TTYH1: variants seen among roughly 807,000 people sequenced by gnomAD.
TTYH1 encodes the protein tweety family member 1.
Under a neutral mutation model 61.2 loss-of-function variants are expected in TTYH1, and 33 were observed. That is an observed-to-expected ratio of 0.54 (90% CI 0.41 to 0.72). The LOEUF (loss-of-function observed/expected upper bound fraction) is 0.72. Ranked by LOEUF, TTYH1 falls within the 30% of genes least tolerant of loss-of-function variation. TTYH1 has a pLI of 0.00. For missense variants in TTYH1, 538 were observed against 575.8 expected (o/e 0.93, Z 0.67); for synonymous variants, 308 against 266.4 (o/e 1.16, Z -1.52).
chr19:54,422,162 C>A lies in TTYH1; in HGVS notation c.418-28C>A, dbSNP rs765081461. The stretch of plus-strand genomic sequence containing the variant: ...GCGGGCTCCCCCCAGGATGTCCTTC[C>A]AGACCTCAGCCCCTGTCCTATCCCC... On this transcript the variant is annotated intron_variant, in intron 3 of 13. Transcript: ENST00000376530. 2.6e-6 allele frequency: 4 copies of A among 1,525,370 alleles called. No individual in the cohort carries two copies. The East Asian group carries it at 9.8e-5, about 37-fold the overall frequency. 94.5% of individuals were successfully genotyped at this position (1,525,370 alleles called of 1,614,324 possible).
intron 7 of TTYH1, among the ~76,000 whole-genome samples, chr19:54,430,237 G>A (rs2083406312): frequency 6.6e-6 from 1 of 152,198 alleles, no homozygotes. Flanking sequence ...ATGGTGCCAG[G>A]AAGAGAGAGG....
chr19:54,423,891 G>A (rs1442216641), intron 4 of TTYH1, among the ~76,000 whole-genome samples: 1 of 152,152 alleles, frequency 6.6e-6, no homozygotes, highest in African/African-American at 2.4e-5. Flanking sequence ...GACCAGGCAC[G>A]GTGGTTCACG....
chr19:54,428,196 TCTC>T (rs765432860), intron 5 of TTYH1, among the ~76,000 whole-genome samples: 2 of 149,452 alleles, frequency 1.3e-5, no homozygotes, highest in East Asian at 2.1e-4. Context: ...TTCAGGCAAT[TCTC>T]CTGCTTCAGC....
chr19:54,421,270 C>A lies in TTYH1; in HGVS notation c.306-7C>A. On this transcript the variant is annotated splice_region_variant and splice_polypyrimidine_tract_variant and intron_variant, in intron 2 of 13. Transcript: ENST00000376530. This position sits in a 1 kb window ranked among gnomAD's most constrained non-coding sequence, Gnocchi z 4.8. ...GCTGAGATTCCTCTCCCTCCTCCTC[C>A]GCTCAGCACTGGCATTGGCATCGGT... The A allele has an allele frequency of 1.3e-6, 2 of 1,599,778 alleles. No homozygotes were observed. The highest frequency in any genetic ancestry group is 1.7e-6 in the Non-Finnish European group (2 of 1,167,224).
chr19:54,436,042 T>C lies in TTYH1; in HGVS notation c.1315-49T>C. ...CTGGGGTCCCACAGTACAAAGCCAA[T>C]TCCCACTCCATTCCCTCCTCTCCCC... On this transcript the variant is annotated intron_variant, in intron 12 of 13. Coordinates refer to ENST00000376530, the MANE Select transcript of TTYH1 (RefSeq NM_020659.4). The surrounding 1 kb of genome is among the most constrained non-coding windows in gnomAD (Gnocchi z 4.3). The C allele has an allele frequency of 6.2e-7, 1 of 1,601,316 alleles. No individual in the cohort carries two copies. The highest frequency in any genetic ancestry group is 1.7e-5 in the Admixed American group (1 of 59,900).
chr19:54,423,675 T>C (rs892762028), intron 4 of TTYH1, among the ~76,000 whole-genome samples: 3 of 152,184 alleles, frequency 2.0e-5, no homozygotes, highest in African/African-American at 7.2e-5. Flanking sequence ...AGTTGGCATC[T>C]GAGTGCTGAG....
intron 1 of TTYH1, among the ~76,000 whole-genome samples, chr19:54,417,376 G>A (rs1185431792): frequency 5.3e-5 from 8 of 150,498 alleles, no homozygotes; most frequent in African/African-American, 1.7e-4. Flanking sequence ...ATATGCACAG[G>A]TACACACACA....
rs1215755331 is a variant in TTYH1, at chr19:54,434,303, T to C, written c.1126-1239T>C. The C allele has an allele frequency of 6.6e-6, 1 of 152,418 alleles. No individual in the cohort carries two copies. 9.4% of individuals were successfully genotyped at this position (152,418 alleles called of 1,614,324 possible). A position where few individuals can be genotyped will look rare whatever the true frequency, so the allele number is the denominator to read the frequency against. ...CAATCCGATCAAGTTCTTCCTCTGC[T>C]TAAAACGCTCAGTGATTCCCCTCAG... On this transcript the variant is annotated intron_variant, in intron 10 of 13. Coordinates refer to ENST00000376530, the MANE Select transcript of TTYH1 (RefSeq NM_020659.4). This position sits in a 1 kb window ranked among gnomAD's most constrained non-coding sequence, Gnocchi z 4.3.
Position 54,429,787 on chromosome 19 carries a change from G to A in TTYH1, c.808-95G>A. On this transcript the variant is annotated intron_variant, in intron 6 of 13. Coordinates refer to ENST00000376530, the MANE Select transcript of TTYH1 (RefSeq NM_020659.4). This position sits in a 1 kb window ranked among gnomAD's most constrained non-coding sequence, Gnocchi z 5.1. ...GGGGCTGGGACCTGGACCCCTGGGT[G>A]GGGAGGGGAGCTGGGGAGCCAGGCA... 9.3e-7 allele frequency: 1 copy of A among 1,080,950 alleles called. No individual in the cohort carries two copies. Among genetic ancestry groups the A allele is most frequent in the Non-Finnish European group, 1.4e-6 (1 of 714,464 alleles). 67.0% of individuals were successfully genotyped at this position (1,080,950 alleles called of 1,614,324 possible).
In TTYH1 at chr19:54,435,906, C is replaced by CG. The variant is rs756270895; in HGVS notation, c.1314+39dup. 5.9e-4 allele frequency: 950 copies of CG among 1,610,474 alleles called. 3 individuals carry two copies. Among genetic ancestry groups the CG allele is most frequent in the African/African-American group, 2.2e-3 (168 of 74,878 alleles). On this transcript the variant is annotated intron_variant, in intron 12 of 13. Transcript: ENST00000376530. ...ATGCCTGGGTCTGAGGGAGGAGGGG[C>CG]GGGGGGTCCTGAACTCCTGGGTCTG...
intron 4 of TTYH1, among the ~76,000 whole-genome samples, chr19:54,423,198 ATT>A (rs1175182125): frequency 2.3e-4 from 30 of 132,948 alleles, no homozygotes; most frequent in Admixed American, 3.8e-4. Flanking sequence ...GTTCAGCACT[ATT>A]TTTTTTTTTT....
Position 54,416,781 on chromosome 19 carries a change from G to A in TTYH1, c.126+1103G>A. The A allele has an allele frequency of 7.7e-7, 1 of 1,293,574 alleles. No homozygotes were observed. Among genetic ancestry groups the A allele is most frequent in the Non-Finnish European group, 1.0e-6 (1 of 988,638 alleles). The allele number at this position is 1,293,574 out of a possible 1,614,324, so 80.1% of individuals were successfully genotyped here. A position where few individuals can be genotyped will look rare whatever the true frequency, so the allele number is the denominator to read the frequency against. On this transcript the variant is annotated intron_variant, in intron 1 of 13. Coordinates refer to ENST00000376530, the MANE Select transcript of TTYH1 (RefSeq NM_020659.4). This position sits in a 1 kb window ranked among gnomAD's most constrained non-coding sequence, Gnocchi z 7.0. ...CACACACGGGGACCGCCGTCCCCTCGCCCACAGCCTCGCGGTTACACAACG... is the reference window on the plus strand; with the variant it reads ...CACACACGGGGACCGCCGTCCCCTCACCCACAGCCTCGCGGTTACACAACG...
intron 4 of TTYH1, 48 bp from the exon 5 acceptor site, chr19:54,426,625 T>A: frequency 6.7e-7 from 1 of 1,495,796 alleles, no homozygotes; most frequent in Non-Finnish European, 9.3e-7. Flanking sequence ...TCCGCCGGGG[T>A]GCCTGGAGGC....
chr19:54,421,427 C>G lies in TTYH1; in HGVS notation c.417+39C>G. 7.3e-7 allele frequency: 1 copy of G among 1,369,308 alleles called. No homozygotes were observed. Among genetic ancestry groups the G allele is most frequent in the Non-Finnish European group, 1.0e-6 (1 of 956,960 alleles). 84.8% of individuals were successfully genotyped at this position (1,369,308 alleles called of 1,614,324 possible). A position where few individuals can be genotyped will look rare whatever the true frequency, so the allele number is the denominator to read the frequency against. ...AACCAGTGGGACCCCAGACCCACACCTGGACGGGCTCCCCACACCCAAGGA... is the reference window on the plus strand; with the variant it reads ...AACCAGTGGGACCCCAGACCCACACGTGGACGGGCTCCCCACACCCAAGGA... On this transcript the variant is annotated intron_variant, in intron 3 of 13. Transcript: ENST00000376530. This position sits in a 1 kb window ranked among gnomAD's most constrained non-coding sequence, Gnocchi z 4.8.
intron 5 of TTYH1, among the ~76,000 whole-genome samples, chr19:54,427,399 T>TCGA (rs2083344645): frequency 1.4e-5 from 2 of 141,070 alleles, no homozygotes; most frequent in Non-Finnish European, 3.0e-5. Context: ...AGGTCAGGAG[T>TCGA]TCGAGACCAT....
At chr19:54,418,007 GACACACAC>G (rs35160501) in intron 1 of TTYH1, among the ~76,000 whole-genome samples, 7 of 148,174 alleles carry the variant, frequency 4.7e-5, no homozygotes, top group South Asian at 2.1e-4. Flanking sequence ...ACACACTTGG[GACACACAC>G]ACACACACAC....
Position 54,434,957 on chromosome 19 carries a change from C to T in TTYH1, c.1126-585C>T, listed in dbSNP as rs1461433049. ...GGAGCTGAGTGGGGCTGCTCAGCAC[C>T]CCACAACACACAGGGCAGCGCCGTC... On this transcript the variant is annotated intron_variant, in intron 10 of 13. Coordinates refer to ENST00000376530, the MANE Select transcript of TTYH1 (RefSeq NM_020659.4). This position sits in a 1 kb window ranked among gnomAD's most constrained non-coding sequence, Gnocchi z 4.3. 6.6e-5 allele frequency: 10 copies of T among 152,232 alleles called. No individual in the cohort carries two copies. Among genetic ancestry groups the T allele is most frequent in the Non-Finnish European group, 8.8e-5 (6 of 68,202 alleles). The allele number at this position is 152,232 out of a possible 1,614,324, so 9.4% of individuals were successfully genotyped here.
intron 10 of TTYH1, 103 bp downstream of exon 10, chr19:54,431,294 G>T (rs1415620914): frequency 1.3e-6 from 1 of 754,298 alleles, no homozygotes; most frequent in East Asian, 2.6e-5. Flanking sequence ...TTGCGCCTGA[G>T]GATATCTCTG....
At position 54,429,279 on chromosome 19, in the gene TTYH1, C is replaced by T. The variant is rs914952863; in HGVS notation, c.735-28C>T. On this transcript the variant is annotated intron_variant, in intron 5 of 13. Transcript: ENST00000376530. This position sits in a 1 kb window ranked among gnomAD's most constrained non-coding sequence, Gnocchi z 5.1. ...GGCTAGGCTAGGAGATTAAGAACCC[C>T]GGGCTGATCCTCCCTCCCCCACTCT... 9.6e-5 allele frequency: 155 copies of T among 1,609,730 alleles called. 2 individuals are homozygous for T. The highest frequency in any genetic ancestry group is 1.6e-4 in the Middle Eastern group (1 of 6,068).
Sources: gnomAD v4.1 joint callset for allele counts (sites outside exome capture counted in the v4.1 genomes callset) on GRCh38, gnomAD v4.1.1 for gene constraint, Gnocchi (gnomAD v3.1) non-coding constraint, MANE v1.5 for transcripts, NCBI Gene and HGNC (gene_info 2026-07-23, HGNC 2026-07-21) for gene names.